Variants in HHAT observed in about 807,000 individuals in gnomAD.
The protein encoded by HHAT is protein-cysteine N-palmitoyltransferase HHAT.
Under a neutral mutation model 70.8 loss-of-function variants are expected in HHAT, and 47 were observed. The ratio of observed to expected loss-of-function variants is 0.66; its 90% CI spans 0.53 to 0.85. The LOEUF is 0.85. HHAT is among the 40% of genes least tolerant of loss of function. The pLI is 0.00. For synonymous variants in HHAT, 228 were observed against 247.6 expected (o/e 0.92, Z 0.74); for missense variants, 609 against 604.8 (o/e 1.01, Z -0.07).
chr1:210,614,062 G>C (rs1251353041), intron 10 of HHAT, among the ~76,000 whole-genome samples: 1 of 149,858 alleles, frequency 6.7e-6, no homozygotes, highest in Non-Finnish European at 1.5e-5. Context: ...ATCTATGAAC[G>C]TGGGATATCT....
At position 210,653,097 on chromosome 1, in the gene HHAT, TCTA is replaced by T. The variant is rs1279366777; in HGVS notation, c.1391-21187_1391-21185del. The stretch of plus-strand genomic sequence containing the variant: ...TTACGGCATATCCATTCTGCAGAAT[TCTA>T]CTAAGCCATTAGAAAGATCAAAACA... On this transcript the variant is annotated intron_variant, in intron 11 of 11. Transcript: ENST00000261458. Among the ~76,000 whole-genome samples, 5 of 152,092 alleles carry T rather than the reference TCTA, an allele frequency of 3.3e-5. No homozygotes were observed. In the East Asian group the frequency reaches 5.8e-4, roughly 18 times the overall value.
In HHAT at chr1:210,387,585, T is replaced by C. The variant is rs749105557; in HGVS notation, c.273+4T>C. 5 of 1,599,706 alleles carry C rather than the reference T, an allele frequency of 3.1e-6. No homozygotes were observed. The African/African-American group carries it at 4.0e-5, about 13-fold the overall frequency. ...GGCCACACTGCTGGCAAGAAAGGTA[T>C]GATTATATGTGTTGTTACCTTTTAA... On this transcript the variant is annotated splice_donor_region_variant and intron_variant, in intron 4 of 11. Transcript: ENST00000261458.
intron 7 of HHAT, among the ~76,000 whole-genome samples, chr1:210,445,055 G>A (rs1224908472): frequency 6.6e-6 from 1 of 151,968 alleles, no homozygotes; most frequent in African/African-American, 2.4e-5. Flanking sequence ...GGTCAGGCTG[G>A]TCTTGAACTC....
At chr1:210,628,013 A>G (rs1670153856) in intron 11 of HHAT, among the ~76,000 whole-genome samples, 1 of 152,178 alleles carries the variant, frequency 6.6e-6, no homozygotes, top group Non-Finnish European at 1.5e-5. Flanking sequence ...TAAATCTTTG[A>G]CATTGAAGCA....
intron 9 of HHAT, among the ~76,000 whole-genome samples, chr1:210,566,666 C>T (rs371269669): frequency 6.6e-6 from 1 of 152,050 alleles, no homozygotes; most frequent in Non-Finnish European, 1.5e-5. Context: ...GAGGGGAGAT[C>T]GGCCGCTAGA....
At chr1:210,410,258 G>A (rs897567468) in intron 6 of HHAT, among the ~76,000 whole-genome samples, 7 of 151,306 alleles carry the variant, frequency 4.6e-5, no homozygotes, top group African/African-American at 1.2e-4. Context: ...AGGTTTCATC[G>A]TGTTAGCCAG....
chr1:210,364,116 A>AT (rs758745791), intron 3 of HHAT, among the ~76,000 whole-genome samples: 1 of 152,244 alleles, frequency 6.6e-6, no homozygotes, highest in Non-Finnish European at 1.5e-5. Context: ...CCTGCCCTGC[A>AT]TGGGGTGCCA....
intron 10 of HHAT, among the ~76,000 whole-genome samples, chr1:210,603,267 G>T (rs1341450808): frequency 6.6e-6 from 1 of 151,970 alleles, no homozygotes; most frequent in Non-Finnish European, 1.5e-5. Context: ...CCAAAGATGA[G>T]ATCCATAGTG....
At chr1:210,542,175 C>T (rs544297930) in intron 9 of HHAT, among the ~76,000 whole-genome samples, 30 of 152,140 alleles carry the variant, frequency 2.0e-4, no homozygotes, top group African/African-American at 1.4e-4. Flanking sequence ...TATTGACAGA[C>T]GACAACCTAC....
At chr1:210,480,475 A>G (rs2094377355) in intron 8 of HHAT, among the ~76,000 whole-genome samples, 2 of 152,206 alleles carry the variant, frequency 1.3e-5, no homozygotes, top group Non-Finnish European at 2.9e-5. Context: ...AGCTGCAGCT[A>G]TTGATATGTA....
At chr1:210,440,995 A>G (rs1397814370) in intron 7 of HHAT, among the ~76,000 whole-genome samples, 2 of 152,220 alleles carry the variant, frequency 1.3e-5, no homozygotes, top group East Asian at 1.9e-4. Context: ...CAGAGGACTG[A>G]ATCCAGGCTA....
At chr1:210,545,755 G>A (rs992128194) in intron 9 of HHAT, among the ~76,000 whole-genome samples, 10 of 151,966 alleles carry the variant, frequency 6.6e-5, no homozygotes, top group Non-Finnish European at 1.2e-4. Context: ...CACTTCTTCC[G>A]GAGACCTTCT....
intron 7 of HHAT, among the ~76,000 whole-genome samples, chr1:210,418,581 C>T (rs1268342791): frequency 6.6e-6 from 1 of 152,194 alleles, no homozygotes; most frequent in Non-Finnish European, 1.5e-5. Context: ...TGGGATCCTA[C>T]TGACCTTAGC....
chr1:210,502,390 A>AAAAAAG (rs1261116813), intron 8 of HHAT, among the ~76,000 whole-genome samples: 1 of 151,212 alleles, frequency 6.6e-6, no homozygotes, highest in Non-Finnish European at 1.5e-5. Context: ...TCTCAAAAAA[A>AAAAAAG]AAAAAAAAAA....
rs566441455 is a variant in HHAT, at chr1:210,504,766, G to T, written c.1008-8387G>T. 1.8e-4 allele frequency among the ~76,000 whole-genome samples: 27 copies of T among 152,238 alleles called. No homozygotes were observed. The South Asian group carries it at 5.0e-3, about 28-fold the overall frequency. ...GTTCTGAGGAGTTTGTCCTCCCAGG[G>T]CTTGTTTTCTACTTTTCTATCAGAC... On this transcript the variant is annotated intron_variant, in intron 8 of 11. Coordinates refer to ENST00000261458, the MANE Select transcript of HHAT (RefSeq NM_018194.6).
intron 10 of HHAT, among the ~76,000 whole-genome samples, chr1:210,593,128 T>G (rs1279306321): frequency 2.0e-5 from 3 of 152,072 alleles, no homozygotes; most frequent in Non-Finnish European, 2.9e-5. Flanking sequence ...GAACATGCGG[T>G]GTTTGGAAAA....
chr1:210,633,740 G>A (rs919449855), intron 11 of HHAT, among the ~76,000 whole-genome samples: 1 of 152,294 alleles, frequency 6.6e-6, no homozygotes, highest in Admixed American at 6.5e-5. Flanking sequence ...TGAGGCTTCC[G>A]GGCAGGGCAG....
At chr1:210,403,149 A>G (rs1174100654) in intron 5 of HHAT, among the ~76,000 whole-genome samples, 1 of 152,170 alleles carries the variant, frequency 6.6e-6, no homozygotes, top group Non-Finnish European at 1.5e-5. Flanking sequence ...CACTCTCATT[A>G]ATGATGTGGG....
chr1:210,510,906 ATAGAGTCTGTTGG>A (rs2094942094), intron 8 of HHAT, among the ~76,000 whole-genome samples: 1 of 152,200 alleles, frequency 6.6e-6, no homozygotes, highest in Non-Finnish European at 1.5e-5. Flanking sequence ...GATTCCCGGA[ATAGAGTCTGTTGG>A]TCTCTGTCGC....
Sources: gnomAD v4.1 joint callset for allele counts (sites outside exome capture counted in the v4.1 genomes callset) on GRCh38, gnomAD v4.1.1 for gene constraint, MANE v1.5 for transcripts, NCBI Gene and HGNC (gene_info 2026-07-23, HGNC 2026-07-21) for gene names.